Variants in COMMD1 observed in about 807,000 individuals in gnomAD.
The protein encoded by COMMD1 is copper metabolism domain containing 1.
Under a neutral mutation model 17.2 loss-of-function variants are expected in COMMD1, and 10 were observed. The ratio of observed to expected loss-of-function variants is 0.58; its 90% CI spans 0.36 to 0.99. The LOEUF (loss-of-function observed/expected upper bound fraction) is 0.99, where lower values mean the gene tolerates loss of function less well. COMMD1 is among the 50% of genes least tolerant of loss of function. COMMD1 has a pLI of 0.01. For synonymous variants in COMMD1, 97 were observed against 91.6 expected (o/e 1.06, Z -0.34); for missense variants, 270 against 231.8 (o/e 1.17, Z -1.07).
intron 1 of COMMD1, among the ~76,000 whole-genome samples, chr2:61,958,627 T>C (rs921855579): frequency 2.0e-5 from 3 of 152,230 alleles, no homozygotes; most frequent in African/African-American, 7.2e-5. Context: ...ATTTTTGTAC[T>C]CACATGTAGA....
intron 1 of COMMD1, 104 bp from the exon 2 acceptor site, chr2:62,000,597 C>A: frequency 9.0e-7 from 1 of 1,112,782 alleles, no homozygotes; most frequent in Non-Finnish European, 1.3e-6. Context: ...TGGGCTATTT[C>A]AGTGATTTAA....
intron 2 of COMMD1, among the ~76,000 whole-genome samples, chr2:62,067,139 C>T (rs1259382304): frequency 6.6e-6 from 1 of 151,716 alleles, no homozygotes; most frequent in Admixed American, 6.6e-5. Context: ...GCAGGAGAAT[C>T]GCTTGAACCC....
At chr2:61,951,863 A>G (rs779723143) in intron 1 of COMMD1, among the ~76,000 whole-genome samples, 1 of 152,210 alleles carries the variant, frequency 6.6e-6, no homozygotes, top group Admixed American at 6.5e-5. Context: ...TACATATTCT[A>G]GAGTTTTATA....
rs749403795 is a variant in COMMD1 at position 61,920,981 on chromosome 2, A to ATAT, written c.180+15124_180+15125insATT. On this transcript the variant is annotated intron_variant, in intron 1 of 2. Transcript: ENST00000311832. ...TATATGTGTGTATATATATATATAT[A>ATAT]TTTTTTTTTTTTTTGAGACAGAGCC... is the stretch of plus-strand genomic sequence containing the variant. Among the ~76,000 whole-genome samples, 100 of 141,382 alleles carry ATAT rather than the reference A, an allele frequency of 7.1e-4. 1 individual carries two copies. The highest frequency in any genetic ancestry group is 1.1e-3 in the South Asian group (5 of 4,568). The allele number at this position is 141,382 out of a possible 152,430, so 92.8% of individuals were successfully genotyped here. A position where few individuals can be genotyped will look rare whatever the true frequency, so the allele number is the denominator to read the frequency against.
intron 2 of COMMD1, among the ~76,000 whole-genome samples, chr2:62,062,234 GT>G (rs59671101): frequency 2.7e-5 from 4 of 147,582 alleles, no homozygotes; most frequent in African/African-American, 5.0e-5. Flanking sequence ...TTGTTTTTTT[GT>G]TTTTTTTTGA....
chr2:62,099,897 G>A (rs899482776), intron 2 of COMMD1, among the ~76,000 whole-genome samples: 1 of 152,038 alleles, frequency 6.6e-6, no homozygotes, highest in African/African-American at 2.4e-5. Flanking sequence ...CCTTCCAGCT[G>A]GGAGGAGCAA....
Position 61,897,365 on chromosome 2 carries a change from T to C in COMMD1, n.119+8523T>C, listed in dbSNP as rs570580230. ...AGGCTCCTGTGTCATGTAAAACTTATATTAAACAAATTTGTATGCTTTTCT... is the reference window on the plus strand; with the variant it reads ...AGGCTCCTGTGTCATGTAAAACTTACATTAAACAAATTTGTATGCTTTTCT... On this transcript the variant is annotated intron_variant and non_coding_transcript_variant, in intron 1 of 2. Transcript: ENST00000472729. Among the ~76,000 whole-genome samples, 9 of 152,328 alleles carry C rather than the reference T, an allele frequency of 5.9e-5. No homozygotes were observed. The East Asian group carries it at 1.2e-3, about 20-fold the overall frequency.
At chr2:62,111,734 G>A (rs1369794735) in intron 2 of COMMD1, among the ~76,000 whole-genome samples, 2 of 152,150 alleles carry the variant, frequency 1.3e-5, no homozygotes, top group Non-Finnish European at 2.9e-5. Context: ...GCTTCTGAGG[G>A]TACTTCTGGG....
intron 1 of COMMD1, among the ~76,000 whole-genome samples, chr2:61,975,757 C>T (rs767955496): frequency 6.5e-4 from 99 of 152,058 alleles, no homozygotes; most frequent in Non-Finnish European, 4.9e-4. Context: ...GTTTAATCTC[C>T]AAGTATTGTG....
intron 2 of COMMD1, among the ~76,000 whole-genome samples, chr2:62,016,659 G>A (rs896421798): frequency 2.0e-5 from 3 of 151,612 alleles, no homozygotes; most frequent in Non-Finnish European, 4.4e-5. Flanking sequence ...ATTTTCTCCC[G>A]GTCTGGGTTT....
intron 2 of COMMD1, among the ~76,000 whole-genome samples, chr2:62,017,585 G>A (rs1164205436): frequency 2.0e-5 from 3 of 151,928 alleles, no homozygotes. Flanking sequence ...TGGGAGGATT[G>A]CCTGGGCCCA....
chr2:61,930,718 T>C (rs1177959304), intron 1 of COMMD1, among the ~76,000 whole-genome samples: 1 of 151,770 alleles, frequency 6.6e-6, no homozygotes, highest in Non-Finnish European at 1.5e-5. Flanking sequence ...TAAGATACCT[T>C]TTTTAGATGT....
At chr2:62,015,033 C>T (rs1669397749) in intron 2 of COMMD1, among the ~76,000 whole-genome samples, 1 of 152,156 alleles carries the variant, frequency 6.6e-6, no homozygotes, top group Non-Finnish European at 1.5e-5. Flanking sequence ...AAGCAGTCCT[C>T]CTGCCTCCAC....
chr2:62,077,585 C>G (rs1671382243), intron 2 of COMMD1, among the ~76,000 whole-genome samples: 1 of 152,146 alleles, frequency 6.6e-6, no homozygotes, highest in Admixed American at 6.5e-5. Context: ...TTATATTTCT[C>G]TCTCTTCTAT....
intron 1 of COMMD1, among the ~76,000 whole-genome samples, chr2:61,898,528 ACAG>A (rs1235816192): frequency 6.6e-6 from 1 of 152,174 alleles, no homozygotes; most frequent in Admixed American, 6.5e-5. Flanking sequence ...AATGTTAATA[ACAG>A]CAGAATTGGA....
intron 2 of COMMD1, among the ~76,000 whole-genome samples, chr2:62,112,738 G>T (rs1349856940): frequency 1.3e-5 from 2 of 152,050 alleles, no homozygotes; most frequent in African/African-American, 2.4e-5. Flanking sequence ...TTTCCCCAAG[G>T]TCACACAGCT....
chr2:61,956,505 G>A (rs1366840089), intron 1 of COMMD1, among the ~76,000 whole-genome samples: 1 of 151,830 alleles, frequency 6.6e-6, no homozygotes, highest in African/African-American at 2.4e-5. Flanking sequence ...TGCCTCCCAG[G>A]TTCAAGCAAT....
intron 2 of COMMD1, among the ~76,000 whole-genome samples, chr2:62,003,516 G>A (rs1020375353): frequency 6.6e-6 from 1 of 151,302 alleles, no homozygotes; most frequent in African/African-American, 2.4e-5. Flanking sequence ...ACTCCAGCCT[G>A]GGCGACAGAG....
intron 1 of COMMD1, among the ~76,000 whole-genome samples, chr2:61,999,390 A>G (rs1160590746): frequency 6.6e-6 from 1 of 152,224 alleles, no homozygotes; most frequent in Non-Finnish European, 1.5e-5. Flanking sequence ...ATTTCACAGT[A>G]GTATTATTGT....
Sources: gnomAD v4.1 joint callset for allele counts (sites outside exome capture counted in the v4.1 genomes callset) on GRCh38, gnomAD v4.1.1 for gene constraint, MANE v1.5 for transcripts, NCBI Gene and HGNC (gene_info 2026-07-23, HGNC 2026-07-21) for gene names.